Variants in MALT1 observed in about 807,000 individuals in gnomAD.
MALT1 encodes mucosa-associated lymphoid tissue lymphoma translocation protein 1.
Under a neutral mutation model 85.5 loss-of-function variants are expected in MALT1, and 36 were observed. The ratio of observed to expected loss-of-function variants is 0.42; its 90% confidence interval spans 0.32 to 0.56. MALT1 has a LOEUF of 0.56. Ranked by LOEUF, MALT1 falls within the 20% of genes least tolerant of loss-of-function variation. MALT1 has a pLI of 0.10. For missense variants in MALT1, 716 were observed against 981.6 expected (o/e 0.73, Z 3.62); for synonymous variants, 359 against 361.3 (o/e 0.99, Z 0.07).
In MALT1 at chr18:58,732,916, A is replaced by T. The variant is rs562352912; in HGVS notation, c.1223-481A>T. 1.3e-3 allele frequency among the ~76,000 whole-genome samples: 149 copies of T among 118,306 alleles called. 1 individual carries two copies. Among genetic ancestry groups the T allele is most frequent in the African/African-American group, 2.9e-3 (61 of 20,734 alleles). The allele number at this position is 118,306 out of a possible 152,430, so 77.6% of individuals were successfully genotyped here. ...CAGACTGTTGGTAATTTATTTATTT[A>T]TTTATTTATTTTGAGACAGAGTTTT... is the stretch of plus-strand genomic sequence containing the variant. On this transcript the variant is annotated intron_variant, in intron 10 of 16. Transcript: ENST00000649217.
At chr18:58,689,839 G>A (rs980406235) in intron 2 of MALT1, among the ~76,000 whole-genome samples, 1 of 152,188 alleles carries the variant, frequency 6.6e-6, no homozygotes, top group African/African-American at 2.4e-5. Context: ...GGAGCTTGTG[G>A]GGAGAACCCA....
intron 7 of MALT1, 32 bp downstream of exon 7, chr18:58,710,985 T>A: frequency 6.6e-7 from 1 of 1,513,564 alleles, no homozygotes; most frequent in Non-Finnish European, 8.9e-7. Flanking sequence ...AAACCAAATC[T>A]CCTGCATGCT....
chr18:58,733,262 G>C, intron 10 of MALT1, 135 bp from the exon 11 acceptor site: 1 of 596,780 alleles, frequency 1.7e-6, no homozygotes, highest in South Asian at 2.4e-5. Flanking sequence ...TTATAATTGG[G>C]TATTTCTTAC....
chr18:58,735,290 G>A lies in MALT1; in HGVS notation c.1564G>A (p.Asp522Asn), dbSNP rs2055208363. The change falls in exon 13 of 17, where the codon GAT becomes AAT. Residue 522 changes from aspartate to asparagine, a missense_variant. Coordinates refer to ENST00000649217, the MANE Select transcript of MALT1 (RefSeq NM_006785.4). ...ATTTTTAAAAGACAGATTATTAGAA[G>A]ATAAGAAAATCACTGTGTTACTGGA... Reference protein sequence around the residue: ...MKFLKDRLLEDKKITVLLDEV... With the variant: ...MKFLKDRLLENKKITVLLDEV... 1 of 1,607,754 alleles carries A rather than the reference G, an allele frequency of 6.2e-7. No individual in the cohort carries two copies. Among genetic ancestry groups the A allele is most frequent in the Non-Finnish European group, 8.5e-7 (1 of 1,177,882 alleles).
At chr18:58,703,059 G>T (rs2054697151) in intron 4 of MALT1, among the ~76,000 whole-genome samples, 2 of 152,116 alleles carry the variant, frequency 1.3e-5, no homozygotes, top group Non-Finnish European at 1.5e-5. Context: ...CGTTAAGGTT[G>T]TTGAGAAATA....
At chr18:58,741,589 GA>G in intron 13 of MALT1, 1 of 219,110 alleles carries the variant, frequency 4.6e-6, no homozygotes, top group East Asian at 8.9e-5. Flanking sequence ...CATGTTGAAT[GA>G]AAATGGTACA....
chr18:58,707,842 G>A (rs1363453449), intron 4 of MALT1, among the ~76,000 whole-genome samples: 1 of 152,172 alleles, frequency 6.6e-6, no homozygotes, highest in African/African-American at 2.4e-5. Context: ...GTTTACTACT[G>A]ACGGAATTGA....
chr18:58,719,794 T>C (rs2054959054), intron 9 of MALT1, among the ~76,000 whole-genome samples: 1 of 152,206 alleles, frequency 6.6e-6, no homozygotes, highest in African/African-American at 2.4e-5. Flanking sequence ...CTTCCAGCAA[T>C]ACTGAGCTGC....
At position 58,734,294 on chromosome 18, in the gene MALT1, C is replaced by G. The variant is rs1446930156; in HGVS notation, c.1401-13C>G. On this transcript the variant is annotated splice_polypyrimidine_tract_variant and intron_variant, in intron 11 of 16. Transcript: ENST00000649217. ...CATATTTCTATCTGCCCTCCTCCGCCTCCCTTAAATAGAAATGACTACGAT... is the reference window on the plus strand; with the variant it reads ...CATATTTCTATCTGCCCTCCTCCGCGTCCCTTAAATAGAAATGACTACGAT... 1 of 1,590,822 alleles carries G rather than the reference C, an allele frequency of 6.3e-7. No individual in the cohort carries two copies. Among genetic ancestry groups the G allele is most frequent in the African/African-American group, 1.3e-5 (1 of 74,580 alleles).
Position 58,744,203 on chromosome 18 carries a change from T to G in MALT1, c.1754-135T>G, listed in dbSNP as rs543855457. ...GGCCAGCAGAATAGTGAGCATTATT[T>G]TTTAAATTGTATGTGTTTAAACAAT... On this transcript the variant is annotated intron_variant, in intron 14 of 16. Coordinates refer to ENST00000649217, the MANE Select transcript of MALT1 (RefSeq NM_006785.4). 5 of 498,226 alleles carry G rather than the reference T, an allele frequency of 1.0e-5. No homozygotes were observed. The South Asian group carries it at 1.4e-4, about 14-fold the overall frequency. The allele number at this position is 498,226 out of a possible 1,614,324, so 30.9% of individuals were successfully genotyped here. A position where few individuals can be genotyped will look rare whatever the true frequency, so the allele number is the denominator to read the frequency against.
intron 2 of MALT1, among the ~76,000 whole-genome samples, chr18:58,685,314 G>T (rs1234823645): frequency 6.6e-6 from 1 of 152,118 alleles, no homozygotes; most frequent in Non-Finnish European, 1.5e-5. Context: ...GCAGGGAGAT[G>T]GGGAAACTTT....
chr18:58,713,607 G>A (rs926954862), intron 7 of MALT1, among the ~76,000 whole-genome samples: 4 of 152,160 alleles, frequency 2.6e-5, no homozygotes, highest in African/African-American at 9.7e-5. Context: ...TTCATTAGTT[G>A]TGACAAATAT....
chr18:58,705,746 C>T (rs1156776457), intron 4 of MALT1, among the ~76,000 whole-genome samples: 2 of 151,886 alleles, frequency 1.3e-5, no homozygotes, highest in Non-Finnish European at 2.9e-5. Flanking sequence ...TGGGTTGGTT[C>T]CAAGTCTTTG....
intron 14 of MALT1, 137 bp from the exon 15 acceptor site, chr18:58,744,201 T>A: frequency 2.0e-6 from 1 of 491,772 alleles, no homozygotes; most frequent in East Asian, 3.3e-5. Flanking sequence ...GTGAGCATTA[T>A]TTTTTAAATT....
At position 58,750,037 on chromosome 18, in the gene MALT1, T is replaced by C. The variant is rs543702179; in HGVS notation, c.*2195T>C. 1 of 196,710 alleles carries C rather than the reference T, an allele frequency of 5.1e-6. No individual in the cohort carries two copies. Among genetic ancestry groups the C allele is most frequent in the Non-Finnish European group, 1.1e-5 (1 of 94,820 alleles). 12.2% of individuals were successfully genotyped at this position (196,710 alleles called of 1,614,324 possible). A position where few individuals can be genotyped will look rare whatever the true frequency, so the allele number is the denominator to read the frequency against. On this transcript the variant is annotated 3_prime_UTR_variant, in exon 17 of 17. Coordinates refer to ENST00000649217, the MANE Select transcript of MALT1 (RefSeq NM_006785.4). ...TAAGCTAATAAAGAAAAGAGGTTTA[T>C]ACTGCAAAAGAAGTGAAACTATATG...
chr18:58,737,706 C>T (rs2055243544), intron 13 of MALT1, among the ~76,000 whole-genome samples: 1 of 152,094 alleles, frequency 6.6e-6, no homozygotes, highest in South Asian at 2.1e-4. Flanking sequence ...CCGCAGCCTC[C>T]CAAGTAGCTG....
At chr18:58,717,746 C>CAAAAAA (rs35207196) in intron 9 of MALT1, among the ~76,000 whole-genome samples, 1 of 100,570 alleles carries the variant, frequency 9.9e-6, no homozygotes, top group Non-Finnish European at 2.0e-5. Context: ...ACTCTTGTCT[C>CAAAAAA]AAAAAAAAAA....
In MALT1 at chr18:58,719,481, A is replaced by C. The variant is rs772242896; in HGVS notation, c.1018+3514A>C. The stretch of plus-strand genomic sequence containing the variant: ...TTCTCCCTCCCTGAGTGGTCTCTCC[A>C]TGTAGCTGTTTTCTTTATGTCGGGC... On this transcript the variant is annotated intron_variant, in intron 9 of 16. Transcript: ENST00000649217. Among the ~76,000 whole-genome samples the C allele has an allele frequency of 2.6e-5, 4 of 151,354 alleles. 1 individual carries two copies. Among genetic ancestry groups the C allele is most frequent in the Non-Finnish European group, 5.9e-5 (4 of 67,910 alleles).
Position 58,748,417 on chromosome 18 carries a change from T to C in MALT1, c.*575T>C, listed in dbSNP as rs1602348191. The C allele has an allele frequency of 5.6e-6, 1 of 179,854 alleles. No individual in the cohort carries two copies. Among genetic ancestry groups the C allele is most frequent in the Non-Finnish European group, 1.2e-5 (1 of 83,880 alleles). 11.1% of individuals were successfully genotyped at this position (179,854 alleles called of 1,614,324 possible). A position where few individuals can be genotyped will look rare whatever the true frequency, so the allele number is the denominator to read the frequency against. ...AAATATATACAGATACATATCTGTG[T>C]ATTATCTCAAGGAATGTACAAACTT... On this transcript the variant is annotated 3_prime_UTR_variant, in exon 17 of 17. Coordinates refer to ENST00000649217, the MANE Select transcript of MALT1 (RefSeq NM_006785.4).
Sources: allele counts gnomAD v4.1 joint callset (sites outside exome capture counted in the v4.1 genomes callset), GRCh38; gene constraint gnomAD v4.1.1; transcripts MANE v1.5; gene names NCBI Gene and HGNC (gene_info 2026-07-23, HGNC 2026-07-21).